The following RBKS variants were observed in gnomAD, a reference collection of about 807,000 sequenced individuals.
RBKS encodes the protein ribokinase.
In RBKS, 33 loss-of-function variants were observed where a neutral mutation model predicts 33.9. The ratio of observed to expected loss-of-function variants is 0.97; its 90% confidence interval spans 0.74 to 1.30. The LOEUF (loss-of-function observed/expected upper bound fraction) is 1.30, where lower values mean the gene tolerates loss of function less well. Ranked by LOEUF, RBKS falls within the 50% of genes most tolerant of loss-of-function variation. The pLI is 0.00. For missense variants in RBKS, 361 were observed against 392.6 expected, an observed-to-expected ratio of 0.92 and a Z score of 0.68; for synonymous variants, 125 against 143.0, an observed-to-expected ratio of 0.87 and a Z score of 0.90.
chr2:27,832,153 T>C lies in RBKS; in HGVS notation c.606+533A>G, dbSNP rs568949215. On this transcript the variant is annotated intron_variant, in intron 6 of 7. Coordinates refer to ENST00000302188, the MANE Select transcript of RBKS (RefSeq NM_022128.3). ...GATAGTCTGTTCAGATGATACATCA[T>C]GACACAGGGTCTTCACTACAGAATG... Among the ~76,000 whole-genome samples the C allele has an allele frequency of 4.6e-5, 7 of 152,338 alleles. No individual in the cohort carries two copies. The South Asian group carries it at 1.2e-3, about 27-fold the overall frequency.
At chr2:27,816,436 CAG>C (rs1446060557) in intron 7 of RBKS, among the ~76,000 whole-genome samples, 1 of 152,126 alleles carries the variant, frequency 6.6e-6, no homozygotes, top group East Asian at 1.9e-4. Flanking sequence ...CCAGAGTGTG[CAG>C]AGTTTTACTA....
intron 7 of RBKS, among the ~76,000 whole-genome samples, chr2:27,798,341 C>CTT (rs542542106): frequency 7.9e-5 from 12 of 152,146 alleles, no homozygotes; most frequent in Non-Finnish European, 1.3e-4. Flanking sequence ...GCAGGCAACT[C>CTT]TAACTCAACA....
chr2:27,877,995 T>C (rs1195709978), intron 1 of RBKS, among the ~76,000 whole-genome samples: 1 of 150,978 alleles, frequency 6.6e-6, no homozygotes, highest in Non-Finnish European at 1.5e-5. Context: ...TCATTCTTTT[T>C]TTTTGCCTTT....
rs114991608 is a variant in RBKS, at chr2:27,872,672, G to A, written c.90-14101C>T. Among the ~76,000 whole-genome samples, 918 of 152,230 alleles carry A rather than the reference G, an allele frequency of 6.0e-3. 9 individuals carry two copies. Among genetic ancestry groups the A allele is most frequent in the African/African-American group, 0.021 (869 of 41,560 alleles). ...TCTAAGTATAACCAATAAATTAGCCGTAAAATACATAAAACCAAAAAAATA... is the reference window on the plus strand; with the variant it reads ...TCTAAGTATAACCAATAAATTAGCCATAAAATACATAAAACCAAAAAAATA... On this transcript the variant is annotated intron_variant, in intron 1 of 7. Coordinates refer to ENST00000302188, the MANE Select transcript of RBKS (RefSeq NM_022128.3).
rs111704694 is a variant in RBKS at position 27,869,155 on chromosome 2, T to C, written c.90-10584A>G. On this transcript the variant is annotated intron_variant, in intron 1 of 7. Coordinates refer to ENST00000302188, the MANE Select transcript of RBKS (RefSeq NM_022128.3). Reference sequence around the variant, plus strand: ...AAACTTACAAAATATTATCCAGAAATGTACCTAAAGCTCCTTGGACCTATT... The same window carrying C: ...AAACTTACAAAATATTATCCAGAAACGTACCTAAAGCTCCTTGGACCTATT... Among the ~76,000 whole-genome samples the C allele has an allele frequency of 6.9e-3, 1,053 of 152,278 alleles. 7 individuals are homozygous for C. The highest frequency in any genetic ancestry group is 0.017 in the Middle Eastern group (5 of 294).
chr2:27,879,723 A>C (rs1158651430), intron 1 of RBKS, among the ~76,000 whole-genome samples: 2 of 152,192 alleles, frequency 1.3e-5, no homozygotes, highest in Admixed American at 1.3e-4. Flanking sequence ...CTATGCACAC[A>C]AACTAGAAAA....
chr2:27,800,321 T>C (rs1436766975), intron 7 of RBKS, among the ~76,000 whole-genome samples: 2 of 152,210 alleles, frequency 1.3e-5, no homozygotes, highest in Admixed American at 1.3e-4. Context: ...AATGTTTTTT[T>C]CAACTGGGAC....
chr2:27,850,556 A>G (rs1247005012), intron 2 of RBKS, among the ~76,000 whole-genome samples: 1 of 152,224 alleles, frequency 6.6e-6, no homozygotes, highest in Admixed American at 6.5e-5. Context: ...AGAATATCAT[A>G]CAGTTGTAAT....
In RBKS at chr2:27,890,242, T is replaced by A. The variant is rs780706666; in HGVS notation, c.89+15A>T. 32 of 1,612,274 alleles carry A rather than the reference T, an allele frequency of 2.0e-5. No individual in the cohort carries two copies. The highest frequency in any genetic ancestry group is 2.6e-5 in the Non-Finnish European group (31 of 1,179,192). On this transcript the variant is annotated intron_variant, in intron 1 of 7. Coordinates refer to ENST00000302188, the MANE Select transcript of RBKS (RefSeq NM_022128.3). This position sits in a 1 kb window ranked among gnomAD's most constrained non-coding sequence, Gnocchi z 4.8. ...TCCCCCGAGCCGCAGACTGAGTAAC[T>A]GGCCCCGGACTAACCTGACCAGGTC... is the stretch of plus-strand genomic sequence containing the variant.
Position 27,843,148 on chromosome 2 carries a change from T to G in RBKS, c.433A>C (p.Arg145=). The G allele has an allele frequency of 6.2e-7, 1 of 1,612,680 alleles. No homozygotes were observed. Among genetic ancestry groups the G allele is most frequent in the Non-Finnish European group, 8.5e-7 (1 of 1,179,356 alleles). The stretch of plus-strand genomic sequence containing the variant: ...AGCTGGCAGACCATGACTTTGGCTC[T>G]GCTAATGACATTGGCTGCTGCCCTC... The part of the protein sequence containing the change: ...DLRAAANVIS[R]AKVMVCQLEI... Residue 145 remains arginine (R), a synonymous_variant, in exon 5 of 8, where the codon AGA becomes CGA. Coordinates refer to ENST00000302188, the MANE Select transcript of RBKS (RefSeq NM_022128.3).
At chr2:27,885,241 T>C (rs1053758316) in intron 1 of RBKS, among the ~76,000 whole-genome samples, 11 of 152,212 alleles carry the variant, frequency 7.2e-5, no homozygotes, top group South Asian at 6.2e-4. Flanking sequence ...TCCACTTCAC[T>C]GCTTTCAAGC....
chr2:27,851,190 T>C (rs1414744385), intron 2 of RBKS, among the ~76,000 whole-genome samples: 2 of 152,190 alleles, frequency 1.3e-5, no homozygotes, highest in East Asian at 1.9e-4. Flanking sequence ...GATATATCAA[T>C]AGAAAGAAAC....
At position 27,863,573 on chromosome 2, in the gene RBKS, G is replaced by A. The variant is rs1573071426; in HGVS notation, c.90-5002C>T. The stretch of plus-strand genomic sequence containing the variant: ...TTCGAACCAAAGGAAGGAATGACCC[G>A]GTAATAGGGGGATGAAAAGTCTTTC... On this transcript the variant is annotated intron_variant, in intron 1 of 7. Transcript: ENST00000302188. Among the ~76,000 whole-genome samples the A allele has an allele frequency of 1.3e-5, 2 of 152,190 alleles. 1 individual carries two copies. The highest frequency in any genetic ancestry group is 2.9e-5 in the Non-Finnish European group (2 of 68,036).
rs1238603790 is a variant in RBKS at position 27,830,089 on chromosome 2, T to C, written c.607-2334A>G. Among the ~76,000 whole-genome samples the C allele has an allele frequency of 3.3e-5, 5 of 152,202 alleles. 1 individual carries two copies. On this transcript the variant is annotated intron_variant, in intron 6 of 7. Coordinates refer to ENST00000302188, the MANE Select transcript of RBKS (RefSeq NM_022128.3). ...AGCATATCAAGGGCTGAATGCTCTG[T>C]GAGGCTGTTCCATTTCTGATCTGTG...
intron 2 of RBKS, among the ~76,000 whole-genome samples, chr2:27,855,979 T>G (rs1329200396): frequency 2.0e-5 from 3 of 152,228 alleles, no homozygotes; most frequent in Admixed American, 1.3e-4. Context: ...TGGTTTCTAC[T>G]TAGAACTTGT....
intron 7 of RBKS, among the ~76,000 whole-genome samples, chr2:27,782,073 T>A (rs78435007): frequency 0.051 from 7,838 of 152,278 alleles, 542 homozygotes; most frequent in African/African-American, 0.16. Context: ...ATCCCATCCA[T>A]CATACCATAT....
intron 4 of RBKS, among the ~76,000 whole-genome samples, chr2:27,845,108 T>C (rs569357987): frequency 6.6e-6 from 1 of 152,346 alleles, no homozygotes; most frequent in South Asian, 2.1e-4. Context: ...CTCTCCTTCC[T>C]TTTCTTCAGT....
intron 7 of RBKS, among the ~76,000 whole-genome samples, chr2:27,786,180 T>C (rs1417401495): frequency 6.6e-6 from 1 of 152,118 alleles, no homozygotes; most frequent in Non-Finnish European, 1.5e-5. Flanking sequence ...AAATGAAGGA[T>C]ATGTATCAAA....
chr2:27,821,717 C>A (rs767873414), intron 7 of RBKS, among the ~76,000 whole-genome samples: 37 of 152,208 alleles, frequency 2.4e-4, no homozygotes, highest in Non-Finnish European at 3.2e-4. Flanking sequence ...TTTCCAAAGG[C>A]ACTTTGAGTA....
Sources: allele counts gnomAD v4.1 joint callset (sites outside exome capture counted in the v4.1 genomes callset), GRCh38; gene constraint gnomAD v4.1.1; non-coding constraint Gnocchi (gnomAD v3.1); transcripts MANE v1.5; gene names NCBI Gene and HGNC (gene_info 2026-07-23, HGNC 2026-07-21).